Variants in RBPMS observed in about 807,000 individuals in gnomAD.
RBPMS encodes the protein RNA-binding protein with multiple splicing.
Under a neutral mutation model 26.8 loss-of-function variants are expected in RBPMS, and 7 were observed. The ratio of observed to expected loss-of-function variants is 0.26; its 90% CI spans 0.15 to 0.49. The LOEUF is 0.49. RBPMS is among the 20% of genes least tolerant of loss of function. The pLI is 0.98. For synonymous variants in RBPMS, 96 were observed against 93.3 expected (o/e 1.03, Z -0.17); for missense variants, 186 against 250.0 (o/e 0.74, Z 1.73).
rs546018538 is a variant in RBPMS, at chr8:30,552,097, G to A, written c.529-6790G>A. Among the ~76,000 whole-genome samples the A allele has an allele frequency of 5.3e-5, 8 of 152,232 alleles. No homozygotes were observed. The South Asian group carries it at 1.7e-3, about 32-fold the overall frequency. On this transcript the variant is annotated intron_variant, in intron 6 of 8. Transcript: ENST00000397323. Reference sequence around the variant, plus strand: ...CTGATAAGAGAAACCTAAGGGCCTGGGCTTTTTGCTTTGGTAAAGAAGAGA... The same window carrying A: ...CTGATAAGAGAAACCTAAGGGCCTGAGCTTTTTGCTTTGGTAAAGAAGAGA...
At chr8:30,556,909 CCTT>C (rs924489194) in intron 6 of RBPMS, 7 of 324,486 alleles carry the variant, frequency 2.2e-5, no homozygotes, top group African/African-American at 1.1e-4. Context: ...CTCTTGCCCT[CCTT>C]CTTTTGTTCT....
chr8:30,390,561 G>A (rs1274112025), intron 1 of RBPMS, among the ~76,000 whole-genome samples: 1 of 152,094 alleles, frequency 6.6e-6, no homozygotes, highest in Non-Finnish European at 1.5e-5. Context: ...AGGAAGCCTA[G>A]GTCTTCCTCT....
intron 4 of RBPMS, among the ~76,000 whole-genome samples, chr8:30,488,901 C>CCCTGCCT (rs1819077849): frequency 6.6e-6 from 1 of 152,122 alleles, no homozygotes; most frequent in East Asian, 1.9e-4. Flanking sequence ...CCGAATCCAG[C>CCCTGCCT]GGACCTGATT....
intron 8 of RBPMS, among the ~76,000 whole-genome samples, chr8:30,567,085 G>A (rs537245890): frequency 6.6e-6 from 1 of 152,306 alleles, no homozygotes; most frequent in African/African-American, 2.4e-5. Flanking sequence ...AGAGCGGCAG[G>A]AATGCCAGGG....
At chr8:30,537,166 C>G (rs916012002) in intron 5 of RBPMS, among the ~76,000 whole-genome samples, 12 of 152,216 alleles carry the variant, frequency 7.9e-5, no homozygotes, top group Admixed American at 7.9e-4. Flanking sequence ...CACTCATGCT[C>G]AGGGTTCCCT....
chr8:30,457,583 CTTTTTTTTTTTTTT>C (rs77253053), intron 1 of RBPMS, among the ~76,000 whole-genome samples: 225 of 132,820 alleles, frequency 1.7e-3, no homozygotes, highest in African/African-American at 2.8e-3. Flanking sequence ...GATTTACATT[CTTTTTTTTTTTTTT>C]TTTTTTTTTT....
At chr8:30,502,139 C>CTT (rs34541775) in intron 4 of RBPMS, among the ~76,000 whole-genome samples, 8,618 of 132,002 alleles carry the variant, frequency 0.065, 911 homozygotes, top group African/African-American at 0.22. Flanking sequence ...AACTTCTGAG[C>CTT]TTTTTTTTTT....
At chr8:30,545,505 T>C (rs1825797912) in intron 6 of RBPMS, 1 of 933,632 alleles carries the variant, frequency 1.1e-6, no homozygotes, top group South Asian at 4.9e-5. Context: ...GCATGTGTAA[T>C]TCAGCCTTTA....
At chr8:30,389,596 A>G (rs531634724) in intron 1 of RBPMS, among the ~76,000 whole-genome samples, 22 of 152,136 alleles carry the variant, frequency 1.4e-4, no homozygotes, top group Non-Finnish European at 3.1e-4. Context: ...ATTTTTAGAA[A>G]TTTACCCTAA....
chr8:30,549,798 C>T (rs1266032814), intron 6 of RBPMS, among the ~76,000 whole-genome samples: 31,796 of 93,910 alleles, frequency 0.34, 5,268 homozygotes, highest in East Asian at 0.41. Context: ...CTCTCTCTCC[C>T]CTCTCTCCTC....
chr8:30,457,679 G>A (rs1278753823), intron 1 of RBPMS, among the ~76,000 whole-genome samples: 3 of 146,918 alleles, frequency 2.0e-5, no homozygotes, highest in African/African-American at 5.1e-5. Context: ...TCTGCCTCCC[G>A]GGTTCAAGTG....
intron 4 of RBPMS, among the ~76,000 whole-genome samples, chr8:30,494,303 A>G (rs970102200): frequency 6.6e-6 from 1 of 152,202 alleles, no homozygotes; most frequent in Admixed American, 6.5e-5. Flanking sequence ...TTTCTAAGTA[A>G]TAGAAGAACC....
chr8:30,459,965 G>C (rs899817085), intron 1 of RBPMS, among the ~76,000 whole-genome samples: 1 of 152,092 alleles, frequency 6.6e-6, no homozygotes, highest in Admixed American at 6.5e-5. Flanking sequence ...AGCAAGACTT[G>C]TAAGATCTGT....
intron 1 of RBPMS, among the ~76,000 whole-genome samples, chr8:30,408,770 G>C (rs1273569948): frequency 6.6e-6 from 1 of 152,162 alleles, no homozygotes; most frequent in Non-Finnish European, 1.5e-5. Context: ...AATATTCAGA[G>C]CTGTGGAACT....
chr8:30,558,975 T>C lies in RBPMS; in HGVS notation c.*7+19T>C, dbSNP rs570511146. 3.1e-6 allele frequency: 5 copies of C among 1,609,064 alleles called. No individual in the cohort carries two copies. Among genetic ancestry groups the C allele is most frequent in the Admixed American group, 3.3e-5 (2 of 60,014 alleles). ...ATACTATGTAAGTACTCGCTTTCCTTTGGAATGTGCGAAGCCCCTAGAACA... is the reference window on the plus strand; with the variant it reads ...ATACTATGTAAGTACTCGCTTTCCTCTGGAATGTGCGAAGCCCCTAGAACA... On this transcript the variant is annotated intron_variant, in intron 7 of 8. Transcript: ENST00000397323.
chr8:30,523,313 G>A (rs1823247258), intron 5 of RBPMS, among the ~76,000 whole-genome samples: 1 of 151,374 alleles, frequency 6.6e-6, no homozygotes, highest in Non-Finnish European at 1.5e-5. Context: ...AGAGGCGGAG[G>A]TTGCAGTGAG....
chr8:30,471,809 C>T (rs1817136550), intron 1 of RBPMS, among the ~76,000 whole-genome samples: 1 of 152,102 alleles, frequency 6.6e-6, no homozygotes, highest in East Asian at 1.9e-4. Context: ...TTCATAAAGA[C>T]CACCAGGAAC....
intron 4 of RBPMS, among the ~76,000 whole-genome samples, chr8:30,490,382 G>A (rs753590152): frequency 7.9e-5 from 12 of 151,954 alleles, no homozygotes; most frequent in Non-Finnish European, 1.2e-4. Flanking sequence ...TCTCTGTTTC[G>A]AAGACCCAAC....
intron 1 of RBPMS, among the ~76,000 whole-genome samples, chr8:30,434,021 G>A (rs1442350089): frequency 6.6e-6 from 1 of 152,008 alleles, no homozygotes; most frequent in East Asian, 1.9e-4. Context: ...AGTGAAAAAA[G>A]TATTTAAAGT....
Sources: gnomAD v4.1 joint callset for allele counts (sites outside exome capture counted in the v4.1 genomes callset) on GRCh38, gnomAD v4.1.1 for gene constraint, MANE v1.5 for transcripts, NCBI Gene and HGNC (gene_info 2026-07-23, HGNC 2026-07-21) for gene names.